The following LPP variants were observed in gnomAD, a reference collection of about 807,000 sequenced individuals.
LPP encodes LIM domain containing preferred translocation partner in lipoma.
A neutral mutation model predicts 60.4 loss-of-function variants in LPP; 38 were observed. The ratio of observed to expected loss-of-function variants is 0.63; its 90% CI spans 0.49 to 0.83. The LOEUF (loss-of-function observed/expected upper bound fraction) is 0.83. Ranked by LOEUF, LPP falls within the 40% of genes least tolerant of loss-of-function variation. The pLI is 0.00. For synonymous variants in LPP, 328 were observed against 290.8 expected (o/e 1.13, Z -1.30); for missense variants, 902 against 783.6 (o/e 1.15, Z -1.80).
At chr3:188,600,814 TG>T (rs1207646790) in intron 6 of LPP, among the ~76,000 whole-genome samples, 1 of 151,154 alleles carries the variant, frequency 6.6e-6, no homozygotes, top group African/African-American at 2.5e-5. Flanking sequence ...ATTTGTTTTT[TG>T]TTTTTTGTTT....
intron 1 of LPP, among the ~76,000 whole-genome samples, chr3:188,171,938 C>T (rs1017591050): frequency 7.2e-5 from 11 of 152,120 alleles, no homozygotes; most frequent in South Asian, 2.1e-4. Context: ...AGCAAGTAGC[C>T]GACTAGAGGG....
chr3:188,672,568 A>G (rs1198463529), intron 7 of LPP, among the ~76,000 whole-genome samples: 1 of 151,956 alleles, frequency 6.6e-6, no homozygotes, highest in Admixed American at 6.6e-5. Flanking sequence ...ATAGAGGGTG[A>G]TTTTACCTGC....
At chr3:188,527,417 G>A (rs141626364) in intron 6 of LPP, among the ~76,000 whole-genome samples, 169 of 150,118 alleles carry the variant, frequency 1.1e-3, no homozygotes, top group African/African-American at 3.5e-3. Context: ...GTGTAGACAC[G>A]TTTAAATGCC....
At chr3:188,171,447 A>G (rs186680879) in intron 1 of LPP, among the ~76,000 whole-genome samples, 1,873 of 152,270 alleles carry the variant, frequency 0.012, 27 homozygotes, top group Non-Finnish European at 0.02. Flanking sequence ...CCATCTGGAT[A>G]GCTTCCTCTC....
chr3:188,232,674 T>G (rs1720509233), intron 2 of LPP, among the ~76,000 whole-genome samples: 1 of 152,068 alleles, frequency 6.6e-6, no homozygotes, highest in Non-Finnish European at 1.5e-5. Context: ...GTTATTAAAG[T>G]GTTTCTTACC....
At chr3:188,524,864 TGA>T in intron 6 of LPP, 77 bp downstream of exon 6, 2 of 1,439,272 alleles carry the variant, frequency 1.4e-6, no homozygotes, top group Non-Finnish European at 1.9e-6. Context: ...ATGCTGCACC[TGA>T]GAGCTTATTT....
intron 8 of LPP, among the ~76,000 whole-genome samples, chr3:188,743,263 G>A (rs1485031576): frequency 2.6e-5 from 4 of 152,000 alleles, no homozygotes; most frequent in Non-Finnish European, 5.9e-5. Flanking sequence ...ACAATGACAA[G>A]ATCATACAGT....
intron 9 of LPP, among the ~76,000 whole-genome samples, chr3:188,841,019 C>A (rs1225075101): frequency 1.3e-5 from 2 of 152,084 alleles, no homozygotes; most frequent in African/African-American, 4.8e-5. Context: ...GCAGGAGGTA[C>A]TGTGTGCTAT....
In LPP at chr3:188,301,126, A is replaced by G. The variant is rs1749716620; in HGVS notation, c.-66-40537A>G. ...TGCCTCTCTATCCAGTCGTCCGTCT[A>G]ACCATTTCTGGCAATTCTTACCTCC... On this transcript the variant is annotated intron_variant, in intron 2 of 11. Transcript: ENST00000617246. Among the ~76,000 whole-genome samples, 4 of 152,100 alleles carry G rather than the reference A, an allele frequency of 2.6e-5. 1 individual carries two copies. The highest frequency in any genetic ancestry group is 2.6e-4 in the Admixed American group (4 of 15,266).
chr3:188,795,438 A>G (rs1413273182), intron 9 of LPP, among the ~76,000 whole-genome samples: 1 of 152,198 alleles, frequency 6.6e-6, no homozygotes, highest in Non-Finnish European at 1.5e-5. Context: ...TCTAAAGCCT[A>G]GAGGTCCTAT....
At position 188,391,682 on chromosome 3, in the gene LPP, C is replaced by T. The variant is rs1392954793; in HGVS notation, c.-9-14430C>T. Among the ~76,000 whole-genome samples the T allele has an allele frequency of 2.0e-5, 3 of 152,018 alleles. No individual in the cohort carries two copies. In the East Asian group the frequency reaches 5.8e-4, roughly 30 times the overall value. On this transcript the variant is annotated intron_variant, in intron 3 of 11. Transcript: ENST00000617246. ...TCAAGCAAGACAAAAATGGTGAAGCCACCATGGGAATTACTGAGTTCAGTG... is the reference window on the plus strand; with the variant it reads ...TCAAGCAAGACAAAAATGGTGAAGCTACCATGGGAATTACTGAGTTCAGTG...
At chr3:188,780,060 C>A (rs972318010) in intron 9 of LPP, among the ~76,000 whole-genome samples, 1 of 152,110 alleles carries the variant, frequency 6.6e-6, no homozygotes, top group African/African-American at 2.4e-5. Flanking sequence ...GGCTCTAAAC[C>A]TTGTCATTTA....
intron 9 of LPP, among the ~76,000 whole-genome samples, chr3:188,761,829 A>G (rs999453826): frequency 6.6e-5 from 10 of 152,228 alleles, no homozygotes; most frequent in Non-Finnish European, 1.5e-4. Context: ...TCTTTATTGA[A>G]AAAAGAAAGG....
intron 3 of LPP, among the ~76,000 whole-genome samples, chr3:188,383,702 G>A (rs1349414918): frequency 6.6e-6 from 1 of 152,018 alleles, no homozygotes; most frequent in East Asian, 1.9e-4. Context: ...AATATATTTT[G>A]ACAATGTTTC....
intron 9 of LPP, among the ~76,000 whole-genome samples, chr3:188,816,490 C>A (rs1265940613): frequency 6.6e-6 from 1 of 152,184 alleles, no homozygotes; most frequent in Non-Finnish European, 1.5e-5. Context: ...CGTGAGCCAC[C>A]ATGCCCGGCC....
intron 2 of LPP, among the ~76,000 whole-genome samples, chr3:188,325,018 T>G (rs1758014565): frequency 1.3e-5 from 2 of 152,082 alleles, no homozygotes; most frequent in Admixed American, 1.3e-4. Context: ...CTCGCTCTTG[T>G]CTCCCAGGCT....
At chr3:188,660,812 C>G (rs1319868753) in intron 7 of LPP, among the ~76,000 whole-genome samples, 1 of 152,172 alleles carries the variant, frequency 6.6e-6, no homozygotes, top group African/African-American at 2.4e-5. Context: ...GAGAGTGGCA[C>G]ATTAGTTACA....
intron 8 of LPP, among the ~76,000 whole-genome samples, chr3:188,752,816 C>T (rs1018200112): frequency 6.6e-6 from 1 of 152,214 alleles, no homozygotes; most frequent in African/African-American, 2.4e-5. Flanking sequence ...CTTGTTACAG[C>T]AGTGGTTCTC....
At chr3:188,679,533 G>A (rs1057403915) in intron 7 of LPP, among the ~76,000 whole-genome samples, 2 of 148,994 alleles carry the variant, frequency 1.3e-5, no homozygotes, top group African/African-American at 4.9e-5. Context: ...GTGTGTGTGT[G>A]TGTGTGTGTG....
Sources: allele counts gnomAD v4.1 joint callset (sites outside exome capture counted in the v4.1 genomes callset), GRCh38; gene constraint gnomAD v4.1.1; transcripts MANE v1.5; gene names NCBI Gene and HGNC (gene_info 2026-07-23, HGNC 2026-07-21).